The following SCAPER variants were observed in gnomAD, a reference collection of about 807,000 sequenced individuals.
SCAPER encodes S-phase cyclin A associated protein in the ER, also known as S phase cyclin A-associated protein in the endoplasmic reticulum.
Under a neutral mutation model 182.2 loss-of-function variants are expected in SCAPER, and 98 were observed. The observed-to-expected ratio is 0.54, with a 90% CI of 0.46 to 0.64. The LOEUF (loss-of-function observed/expected upper bound fraction) is 0.64. SCAPER is among the 30% of genes least tolerant of loss of function. The pLI is 0.00. For missense variants in SCAPER, 1,432 were observed against 1,690.0 expected, an observed-to-expected ratio of 0.85 and a Z score of 2.68; for synonymous variants, 605 against 564.6, an observed-to-expected ratio of 1.07 and a Z score of -1.01.
At chr15:76,538,455 CT>C (rs1234451446) in intron 23 of SCAPER, among the ~76,000 whole-genome samples, 2 of 151,770 alleles carry the variant, frequency 1.3e-5, no homozygotes, top group Non-Finnish European at 2.9e-5. Flanking sequence ...TCTCAGTAAA[CT>C]ATCGCAAGGA....
At chr15:76,648,273 G>A (rs1312935336) in intron 21 of SCAPER, among the ~76,000 whole-genome samples, 1 of 150,312 alleles carries the variant, frequency 6.7e-6, no homozygotes, top group Non-Finnish European at 1.5e-5. Context: ...TATAACACAT[G>A]AAATAAAAAC....
chr15:76,553,875 A>G (rs1261869246), intron 23 of SCAPER, among the ~76,000 whole-genome samples: 1 of 152,222 alleles, frequency 6.6e-6, no homozygotes, highest in Non-Finnish European at 1.5e-5. Context: ...GCCCACACAG[A>G]TGAGAAAGAA....
At chr15:76,468,234 C>T (rs567157425) in intron 25 of SCAPER, among the ~76,000 whole-genome samples, 5 of 152,054 alleles carry the variant, frequency 3.3e-5, no homozygotes, top group African/African-American at 1.2e-4. Flanking sequence ...TGCCACAAAC[C>T]CAGTTACAGC....
At chr15:76,776,577 G>C (rs1464409895) in intron 8 of SCAPER, among the ~76,000 whole-genome samples, 1 of 152,116 alleles carries the variant, frequency 6.6e-6, no homozygotes, top group Non-Finnish European at 1.5e-5. Flanking sequence ...AAAAGTAGTG[G>C]GGGGCAGATT....
intron 27 of SCAPER, among the ~76,000 whole-genome samples, chr15:76,400,909 ATATAG>A (rs1387451248): frequency 5.9e-5 from 9 of 151,664 alleles, no homozygotes; most frequent in African/African-American, 1.7e-4. Flanking sequence ...AAAATAAATT[ATATAG>A]TAATTAAAAA....
At chr15:76,671,835 G>A (rs2057039796) in intron 20 of SCAPER, among the ~76,000 whole-genome samples, 1 of 151,938 alleles carries the variant, frequency 6.6e-6, no homozygotes, top group Non-Finnish European at 1.5e-5. Context: ...GTGTCTGCAG[G>A]AGAAATTAGG....
At chr15:76,529,947 G>A (rs1490481146) in intron 23 of SCAPER, among the ~76,000 whole-genome samples, 1 of 152,180 alleles carries the variant, frequency 6.6e-6, no homozygotes, top group Non-Finnish European at 1.5e-5. Flanking sequence ...TGTATAAAGA[G>A]CAGACTGAAA....
At chr15:76,896,641 T>C (rs1461324558) in intron 1 of SCAPER, among the ~76,000 whole-genome samples, 3 of 152,022 alleles carry the variant, frequency 2.0e-5, no homozygotes, top group Non-Finnish European at 1.5e-5. Context: ...CCTGGCACAG[T>C]GGTTCATGCC....
chr15:76,816,094 A>C (rs2067055280), intron 5 of SCAPER, among the ~76,000 whole-genome samples: 1 of 152,168 alleles, frequency 6.6e-6, no homozygotes, highest in African/African-American at 2.4e-5. Flanking sequence ...TAAAGGAGAG[A>C]ATGGTAAGTG....
chr15:76,710,077 C>T (rs550654960), intron 17 of SCAPER, among the ~76,000 whole-genome samples: 16 of 152,240 alleles, frequency 1.1e-4, no homozygotes, highest in African/African-American at 3.4e-4. Context: ...AAAGATCGAA[C>T]GCTTTCCCAC....
intron 5 of SCAPER, among the ~76,000 whole-genome samples, chr15:76,812,497 A>AAAAG (rs761583791): frequency 0.013 from 1,610 of 122,308 alleles, 47 homozygotes; most frequent in African/African-American, 0.027. Context: ...AAAAAAAAAA[A>AAAAG]AAAGAAAGAA....
At chr15:76,708,071 C>G (rs954576999) in intron 17 of SCAPER, among the ~76,000 whole-genome samples, 1 of 152,018 alleles carries the variant, frequency 6.6e-6, no homozygotes, top group South Asian at 2.1e-4. Flanking sequence ...GGACACCCCC[C>G]CACCATACCA....
chr15:76,523,698 G>A (rs1400858482), intron 23 of SCAPER, among the ~76,000 whole-genome samples: 2 of 152,048 alleles, frequency 1.3e-5, no homozygotes, highest in Non-Finnish European at 2.9e-5. Flanking sequence ...GGCTCAGAGA[G>A]CACAGAAGAG....
At chr15:76,798,237 A>G (rs1287808763) in intron 7 of SCAPER, among the ~76,000 whole-genome samples, 4 of 151,920 alleles carry the variant, frequency 2.6e-5, no homozygotes, top group Admixed American at 6.6e-5. Context: ...GCATGCGCCT[A>G]TAATTCCAGC....
At chr15:76,457,115 T>C (rs1014073864) in intron 25 of SCAPER, among the ~76,000 whole-genome samples, 3 of 151,146 alleles carry the variant, frequency 2.0e-5, no homozygotes, top group Admixed American at 6.6e-5. Context: ...CAGGCTGGAG[T>C]GCAGTGGCAC....
chr15:76,899,027 CTAAG>C (rs769065219), intron 1 of SCAPER, among the ~76,000 whole-genome samples: 1 of 152,190 alleles, frequency 6.6e-6, no homozygotes, highest in African/African-American at 2.4e-5. Context: ...TTTGCCATAA[CTAAG>C]TACCACCTAT....
At chr15:76,899,289 C>T (rs969891731) in intron 1 of SCAPER, among the ~76,000 whole-genome samples, 8 of 152,186 alleles carry the variant, frequency 5.3e-5, no homozygotes, top group Admixed American at 1.3e-4. Flanking sequence ...CTCGGCCTGC[C>T]GAGTGCCTGG....
At chr15:76,578,123 G>T (rs1192098684) in intron 22 of SCAPER, among the ~76,000 whole-genome samples, 1 of 151,544 alleles carries the variant, frequency 6.6e-6, no homozygotes, top group Non-Finnish European at 1.5e-5. Context: ...TATGACTATA[G>T]AAAGGGGAGG....
intron 21 of SCAPER, among the ~76,000 whole-genome samples, chr15:76,642,940 A>G (rs2054220452): frequency 6.6e-6 from 1 of 152,194 alleles, no homozygotes; most frequent in African/African-American, 2.4e-5. Flanking sequence ...GGAGGAAATT[A>G]TTTCTTTTAC....
Sources: gnomAD v4.1 joint callset for allele counts (sites outside exome capture counted in the v4.1 genomes callset) on GRCh38, gnomAD v4.1.1 for gene constraint, MANE v1.5 for transcripts, NCBI Gene and HGNC (gene_info 2026-07-23, HGNC 2026-07-21) for gene names.